ADAMTS17: variants seen among roughly 807,000 people sequenced by gnomAD.
The protein encoded by ADAMTS17 is A disintegrin and metalloproteinase with thrombospondin motifs 17.
ADAMTS17 carries 113 observed loss-of-function variants against 141.5 expected under a neutral mutation model. The ratio of observed to expected loss-of-function variants is 0.80; its 90% CI spans 0.69 to 0.93. ADAMTS17 has a LOEUF of 0.93. Among genes scored for constraint, ADAMTS17 ranks in the 40% least tolerant of loss-of-function variants. The probability of loss-of-function intolerance (pLI) is 0.00; values close to 1 mark genes in which losing one functional copy is unlikely to be tolerated. For synonymous variants in ADAMTS17, 768 were observed against 630.6 expected (o/e 1.22, Z -3.27); for missense variants, 1,659 against 1,517.9 (o/e 1.09, Z -1.54).
At chr15:100,292,369 CGA>C (rs1363837183) in intron 3 of ADAMTS17, among the ~76,000 whole-genome samples, 24 of 140,376 alleles carry the variant, frequency 1.7e-4, no homozygotes, top group African/African-American at 5.3e-4. Context: ...TGTGAAATTA[CGA>C]GAGATGCTCA....
chr15:100,303,746 T>C (rs2045124130), intron 3 of ADAMTS17, among the ~76,000 whole-genome samples: 1 of 151,950 alleles, frequency 6.6e-6, no homozygotes, highest in Admixed American at 6.6e-5. Context: ...TGAGAAGGAG[T>C]TTCTCTCTTG....
intron 15 of ADAMTS17, among the ~76,000 whole-genome samples, chr15:100,080,148 A>T (rs1250924453): frequency 2.0e-5 from 3 of 151,964 alleles, no homozygotes; most frequent in Non-Finnish European, 4.4e-5. Context: ...CCCTAGCAAA[A>T]TTTTTGCTTC....
At chr15:100,053,870 G>GA in intron 16 of ADAMTS17, 27 bp downstream of exon 16, 2 of 1,614,128 alleles carry the variant, frequency 1.2e-6, no homozygotes, top group African/African-American at 2.7e-5. Context: ...CACCCCCTAA[G>GA]ACAAGTGTGG....
chr15:100,241,027 T>C (rs1417177479), intron 7 of ADAMTS17, among the ~76,000 whole-genome samples: 2 of 152,134 alleles, frequency 1.3e-5, no homozygotes, highest in Admixed American at 1.3e-4. Flanking sequence ...TGTTTCACCA[T>C]GTTGGTCAGG....
chr15:100,058,014 A>G (rs2032740266), intron 15 of ADAMTS17, among the ~76,000 whole-genome samples: 2 of 151,948 alleles, frequency 1.3e-5, no homozygotes, highest in African/African-American at 4.8e-5. Flanking sequence ...GAAAATTACT[A>G]TTACAGCTTC....
At chr15:100,289,192 T>C (rs1243623801) in intron 3 of ADAMTS17, among the ~76,000 whole-genome samples, 1 of 152,092 alleles carries the variant, frequency 6.6e-6, no homozygotes. Context: ...TACAAAAAAC[T>C]TTTAAAGACT....
intron 18 of ADAMTS17, among the ~76,000 whole-genome samples, chr15:100,035,204 G>C (rs540266240): frequency 6.6e-6 from 1 of 152,260 alleles, no homozygotes; most frequent in Non-Finnish European, 1.5e-5. Flanking sequence ...AAATGACCCA[G>C]GTTTCACCAT....
At chr15:100,070,274 C>T (rs1051931507) in intron 15 of ADAMTS17, among the ~76,000 whole-genome samples, 2 of 149,846 alleles carry the variant, frequency 1.3e-5, no homozygotes, top group African/African-American at 4.9e-5. Context: ...GAGACTTAGA[C>T]TCCCACACAA....
At chr15:100,157,693 G>A (rs1054148447) in intron 8 of ADAMTS17, among the ~76,000 whole-genome samples, 58 of 152,070 alleles carry the variant, frequency 3.8e-4, no homozygotes, top group African/African-American at 1.3e-3. Context: ...AAAAAATACC[G>A]GACAACTCAT....
At chr15:100,033,049 G>C (rs1324947403) in intron 18 of ADAMTS17, among the ~76,000 whole-genome samples, 1 of 151,996 alleles carries the variant, frequency 6.6e-6, no homozygotes, top group East Asian at 1.9e-4. Flanking sequence ...GTATTGTTTT[G>C]AGAGAAAAAA....
intron 7 of ADAMTS17, among the ~76,000 whole-genome samples, chr15:100,243,727 T>A (rs932583186): frequency 1.4e-5 from 2 of 146,548 alleles, no homozygotes; most frequent in Admixed American, 1.4e-4. Flanking sequence ...GAGGCAGAGG[T>A]TGTAGTGAGC....
chr15:100,288,931 C>T (rs2044538149), intron 3 of ADAMTS17, among the ~76,000 whole-genome samples: 2 of 152,120 alleles, frequency 1.3e-5, no homozygotes, highest in South Asian at 4.1e-4. Context: ...TCTGACATCA[C>T]ACCTTGAGGA....
At chr15:100,283,869 G>A (rs372334390) in intron 3 of ADAMTS17, among the ~76,000 whole-genome samples, 1 of 152,196 alleles carries the variant, frequency 6.6e-6, no homozygotes, top group Admixed American at 6.5e-5. Context: ...ACTTTGGAAG[G>A]CCAAGGAGGG....
rs34086690 is a variant in ADAMTS17, at chr15:100,210,230, CAAAAAAAAAAAAAAAAAAA to C, written c.1076-10826_1076-10808del. Among the ~76,000 whole-genome samples, 8 of 31,186 alleles carry C rather than the reference CAAAAAAAAAAAAAAAAAAA, an allele frequency of 2.6e-4. No homozygotes were observed. The Admixed American group carries it at 4.6e-3, about 18-fold the overall frequency. The allele number at this position is 31,186 out of a possible 152,430, so 20.5% of individuals were successfully genotyped here. ...TGGGAGACAAAGCGAGACTCCATCT[CAAAAAAAAAAAAAAAAAAA>C]AAAAAAAAAAGAAGTGAGCTGGAAC... On this transcript the variant is annotated intron_variant, in intron 7 of 21. Transcript: ENST00000268070.
intron 8 of ADAMTS17, among the ~76,000 whole-genome samples, chr15:100,189,706 G>A (rs983242064): frequency 3.3e-5 from 5 of 152,204 alleles, no homozygotes; most frequent in Admixed American, 2.6e-4. Flanking sequence ...CACGGCAGGC[G>A]TCCTCCTGGA....
chr15:100,311,988 C>T (rs2141862951), intron 3 of ADAMTS17, among the ~76,000 whole-genome samples: 1 of 152,318 alleles, frequency 6.6e-6, no homozygotes, highest in East Asian at 1.9e-4. Context: ...CTCAGGGAAG[C>T]TCCTGGCAGC....
At chr15:100,107,992 T>C (rs981733426) in intron 14 of ADAMTS17, among the ~76,000 whole-genome samples, 3 of 151,976 alleles carry the variant, frequency 2.0e-5, no homozygotes, top group Admixed American at 6.6e-5. Context: ...CCACTCCCCA[T>C]CCCAGCTGCT....
At chr15:100,153,197 A>G (rs1014131290) in intron 9 of ADAMTS17, among the ~76,000 whole-genome samples, 3 of 152,122 alleles carry the variant, frequency 2.0e-5, no homozygotes, top group Non-Finnish European at 4.4e-5. Context: ...CTTATTTCCA[A>G]CTCTTCAGGT....
At chr15:99,981,640 C>A (rs1414066466) in intron 20 of ADAMTS17, among the ~76,000 whole-genome samples, 1 of 152,312 alleles carries the variant, frequency 6.6e-6, no homozygotes, top group South Asian at 2.1e-4. Context: ...TGTACAGAAA[C>A]CACCCCGTTT....
Sources: allele counts gnomAD v4.1 joint callset (sites outside exome capture counted in the v4.1 genomes callset), GRCh38; gene constraint gnomAD v4.1.1; transcripts MANE v1.5; gene names NCBI Gene and HGNC (gene_info 2026-07-23, HGNC 2026-07-21).